The following NPM2 variants were observed in gnomAD, a reference collection of about 807,000 sequenced individuals.
The protein encoded by NPM2 is nucleophosmin/nucleoplasmin 2.
Under a neutral mutation model 32.0 loss-of-function variants are expected in NPM2, and 25 were observed. That is an observed-to-expected ratio of 0.78 (90% CI 0.57 to 1.09). The LOEUF (loss-of-function observed/expected upper bound fraction) is 1.09. Among genes scored for constraint, NPM2 ranks in the 50% least tolerant of loss-of-function variants. The pLI, the probability that NPM2 is intolerant of heterozygous loss-of-function variation, is 0.00. For missense variants in NPM2, 282 were observed against 259.9 expected (o/e 1.08, Z -0.58); for synonymous variants, 111 against 94.2 (o/e 1.18, Z -1.04).
chr8:22,034,875 A>G (rs1300245986), intron 8 of NPM2, among the ~76,000 whole-genome samples: 1 of 152,210 alleles, frequency 6.6e-6, no homozygotes, highest in Non-Finnish European at 1.5e-5. Context: ...TGGGAGGCTA[A>G]GGCAGGCAGA....
intron 8 of NPM2, among the ~76,000 whole-genome samples, chr8:22,036,112 G>C (rs549956020): frequency 1.3e-5 from 2 of 152,080 alleles, no homozygotes; most frequent in East Asian, 1.9e-4. Flanking sequence ...GGCCAGGTGT[G>C]GTGGTGCACA....
chr8:22,035,424 C>T (rs908658059), intron 8 of NPM2, among the ~76,000 whole-genome samples: 3 of 152,088 alleles, frequency 2.0e-5, no homozygotes, highest in Non-Finnish European at 2.9e-5. Flanking sequence ...TAGGCACGTG[C>T]CACTATGCAT....
Position 22,034,221 on chromosome 8 carries a change from C to T in NPM2, c.477C>T (p.Ser159=). Residue 159 remains serine, a synonymous_variant, in exon 7 of 10, where the codon AGC becomes AGT. Coordinates refer to ENST00000518119, the MANE Select transcript of NPM2 (RefSeq NM_001286680.2). ...CAGATATATCTCTGGAGGAGCAAAG[C>T]CCTGTCAAACAAGTCAAAAGGCTGG... is the stretch of plus-strand genomic sequence containing the variant. ...EDADISLEEQ[S]PVKQVKRLVP... The T allele has an allele frequency of 6.2e-7, 1 of 1,610,258 alleles. No individual in the cohort carries two copies. Among genetic ancestry groups the T allele is most frequent in the Non-Finnish European group, 8.5e-7 (1 of 1,178,136 alleles).
At chr8:22,029,918 G>C (rs1800380637) in intron 5 of NPM2, among the ~76,000 whole-genome samples, 2 of 152,142 alleles carry the variant, frequency 1.3e-5, no homozygotes, top group Admixed American at 1.3e-4. Context: ...GTTTTACCAT[G>C]ATGTGTTCAG....
In NPM2 at chr8:22,036,555, T is replaced by C. The variant is rs199721265; in HGVS notation, c.600+29T>C. The C allele has an allele frequency of 1.0e-4, 159 of 1,583,996 alleles. No homozygotes were observed. The African/African-American group carries it at 1.8e-3, about 18-fold the overall frequency. On this transcript the variant is annotated intron_variant, in intron 9 of 9. Transcript: ENST00000518119. ...AGTAGGACCAGAGGGCTTTGGCCCT[T>C]GGGACAGGCGAGTATTCTCTGGAGG...
chr8:22,032,695 G>A (rs1039217702), intron 5 of NPM2, among the ~76,000 whole-genome samples: 1 of 152,072 alleles, frequency 6.6e-6, no homozygotes, highest in African/African-American at 2.4e-5. Flanking sequence ...TTCACGTGTG[G>A]GGCAGGAGAG....
At chr8:22,033,070 T>C (rs1947985) in intron 5 of NPM2, 60 bp from the exon 6 acceptor site, 1,231,445 of 1,241,042 alleles carry the variant, frequency 0.99, 611,415 homozygotes, top group East Asian at 1. Flanking sequence ...TGCCTGAGGC[T>C]AGTCCCCGAG....
intron 8 of NPM2, 153 bp from the exon 9 acceptor site, chr8:22,036,340 A>G (rs1800619911): frequency 1.1e-5 from 7 of 643,020 alleles, no homozygotes; most frequent in Non-Finnish European, 1.9e-5. Flanking sequence ...ACACGCACAC[A>G]CATCCCTTTG....
chr8:22,035,158 G>A (rs529842954), intron 8 of NPM2, among the ~76,000 whole-genome samples: 1 of 152,310 alleles, frequency 6.6e-6, no homozygotes, highest in South Asian at 2.1e-4. Flanking sequence ...TGAAAAAATG[G>A]AAGCATTCTA....
intron 8 of NPM2, among the ~76,000 whole-genome samples, chr8:22,035,146 A>G (rs1800577567): frequency 1.3e-5 from 2 of 152,250 alleles, no homozygotes; most frequent in Non-Finnish European, 2.9e-5. Context: ...TTATTTGAAT[A>G]GTGAAAAAAT....
In NPM2 at chr8:22,024,641, A is replaced by G. The variant is rs1424130905; in HGVS notation, c.-141+18A>G. 6.6e-6 allele frequency: 1 copy of G among 152,386 alleles called. No individual in the cohort carries two copies. The highest frequency in any genetic ancestry group is 1.5e-5 in the Non-Finnish European group (1 of 68,176). 9.4% of individuals were successfully genotyped at this position (152,386 alleles called of 1,614,324 possible). ...CCCTCCAGGTGATTCTGCCGCGCAG[A>G]GGAGGAAAGAATGGGAGAAGGGAAG... is the stretch of plus-strand genomic sequence containing the variant. On this transcript the variant is annotated intron_variant, in intron 1 of 9. Transcript: ENST00000518119.
At chr8:22,027,733 A>T (rs1279812506) in intron 5 of NPM2, among the ~76,000 whole-genome samples, 1 of 151,872 alleles carries the variant, frequency 6.6e-6, no homozygotes, top group Non-Finnish European at 1.5e-5. Flanking sequence ...CAGCCTCCCA[A>T]GTAGCTGGGA....
chr8:22,027,656 G>C (rs918778256), intron 5 of NPM2, among the ~76,000 whole-genome samples: 1 of 151,096 alleles, frequency 6.6e-6, no homozygotes, highest in Non-Finnish European at 1.5e-5. Flanking sequence ...ACCCAGGCTG[G>C]AGTGCAATGG....
intron 8 of NPM2, 83 bp from the exon 9 acceptor site, chr8:22,036,410 C>T: frequency 7.0e-7 from 1 of 1,436,766 alleles, no homozygotes; most frequent in Non-Finnish European, 9.5e-7. Context: ...AGGGTGGGCA[C>T]TGGGAGGGCC....
intron 5 of NPM2, among the ~76,000 whole-genome samples, chr8:22,028,205 C>G (rs1023729883): frequency 6.6e-6 from 1 of 152,136 alleles, no homozygotes; most frequent in Non-Finnish European, 1.5e-5. Flanking sequence ...TGTACCCTGT[C>G]CATGGCTGCT....
chr8:22,036,686 G>C lies in NPM2; in HGVS notation c.*4G>C. The C allele has an allele frequency of 6.5e-7, 1 of 1,546,404 alleles. No individual in the cohort carries two copies. The highest frequency in any genetic ancestry group is 8.7e-7 in the Non-Finnish European group (1 of 1,145,984). On this transcript the variant is annotated 3_prime_UTR_variant, in exon 10 of 10. Transcript: ENST00000518119. ...GAAGCCAGGATTCAAGAAATGAGGA[G>C]CCACGCCTTGGGGGGCACGGTGCAA...
chr8:22,024,939 G>C, intron 2 of NPM2, 109 bp downstream of exon 2: 2 of 409,562 alleles, frequency 4.9e-6, no homozygotes, highest in Non-Finnish European at 8.7e-6. Context: ...GCAGCCAGGT[G>C]ACCTCCCCGC....
chr8:22,034,620 T>C (rs1028115111), intron 8 of NPM2, 76 bp downstream of exon 8: 4 of 1,262,008 alleles, frequency 3.2e-6, no homozygotes, highest in Non-Finnish European at 4.6e-6. Flanking sequence ...ACTGTGCTGT[T>C]GGGATGTACG....
At position 22,036,804 on chromosome 8, in the gene NPM2, A is replaced by C; in HGVS notation, c.*122A>C. On this transcript the variant is annotated 3_prime_UTR_variant, in exon 10 of 10. Coordinates refer to ENST00000518119, the MANE Select transcript of NPM2 (RefSeq NM_001286680.2). ...AATGCAACAGGGGTGTTGCGGGGGC[A>C]ACATGAGAGCCCCTCACCCCCAACT... 1 of 971,170 alleles carries C rather than the reference A, an allele frequency of 1.0e-6. No individual in the cohort carries two copies. Among genetic ancestry groups the C allele is most frequent in the African/African-American group, 1.7e-5 (1 of 59,558 alleles). 60.2% of individuals were successfully genotyped at this position (971,170 alleles called of 1,614,324 possible).
Sources: allele counts gnomAD v4.1 joint callset (sites outside exome capture counted in the v4.1 genomes callset), GRCh38; gene constraint gnomAD v4.1.1; transcripts MANE v1.5; gene names NCBI Gene and HGNC (gene_info 2026-07-23, HGNC 2026-07-21).